SUSD1: variants seen among roughly 807,000 people sequenced by gnomAD.
SUSD1 encodes the protein sushi domain-containing protein 1.
SUSD1 carries 65 observed loss-of-function variants against 86.9 expected under a neutral mutation model. That is an observed-to-expected ratio of 0.75 (90% CI 0.61 to 0.92). The LOEUF is 0.92. SUSD1 is among the 40% of genes least tolerant of loss of function. SUSD1 has a pLI of 0.00. For synonymous variants in SUSD1, 346 were observed against 350.0 expected, an observed-to-expected ratio of 0.99 and a Z score of 0.13; for missense variants, 850 against 929.7, an observed-to-expected ratio of 0.91 and a Z score of 1.11.
chr9:112,099,888 A>ATTT (rs1830553870), intron 9 of SUSD1, among the ~76,000 whole-genome samples: 1 of 152,228 alleles, frequency 6.6e-6, no homozygotes, highest in Non-Finnish European at 1.5e-5. Context: ...AGGTCCTTAC[A>ATTT]GATAAACCAT....
At chr9:112,121,223 C>T (rs920190686) in intron 6 of SUSD1, among the ~76,000 whole-genome samples, 45 of 151,890 alleles carry the variant, frequency 3.0e-4, no homozygotes, top group African/African-American at 9.9e-4. Flanking sequence ...CCAGCTCTAC[C>T]CTTCTTTGTT....
In SUSD1 at chr9:112,041,266, G is replaced by A; in HGVS notation, c.*226C>T. 1.6e-6 allele frequency: 1 copy of A among 616,546 alleles called. No homozygotes were observed. The highest frequency in any genetic ancestry group is 1.9e-5 in the South Asian group (1 of 52,474). The allele number at this position is 616,546 out of a possible 1,614,324, so 38.2% of individuals were successfully genotyped here. ...AAGTTCATTGCACAGAACTGGTCCT[G>A]TAGCAGGGAAGACTCAGAATTCCTG... On this transcript the variant is annotated 3_prime_UTR_variant, in exon 17 of 17. Transcript: ENST00000374270.
chr9:112,148,903 C>T lies in SUSD1; in HGVS notation c.373+341G>A, dbSNP rs570595875. 2.9e-4 allele frequency among the ~76,000 whole-genome samples: 40 copies of T among 136,658 alleles called. No homozygotes were observed. In the East Asian group the frequency reaches 6.8e-3, roughly 23 times the overall value. The allele number at this position is 136,658 out of a possible 152,430, so 89.7% of individuals were successfully genotyped here. A position where few individuals can be genotyped will look rare whatever the true frequency, so the allele number is the denominator to read the frequency against. On this transcript the variant is annotated intron_variant, in intron 3 of 16. Transcript: ENST00000374270. ...CCTGGGCAACAGAGTGAGACCCCCCCCTTAAAAAAAAAAAAGTTCAAACAA... is the reference window on the plus strand; with the variant it reads ...CCTGGGCAACAGAGTGAGACCCCCCTCTTAAAAAAAAAAAAGTTCAAACAA...
chr9:112,167,720 T>C (rs1386232151), intron 1 of SUSD1, among the ~76,000 whole-genome samples: 1 of 152,196 alleles, frequency 6.6e-6, no homozygotes, highest in African/African-American at 2.4e-5. Context: ...AAACCTACTT[T>C]ATATGGTTGT....
chr9:112,132,866 G>C (rs1832089974), intron 5 of SUSD1, among the ~76,000 whole-genome samples: 1 of 152,314 alleles, frequency 6.6e-6, no homozygotes, highest in African/African-American at 2.4e-5. Flanking sequence ...TTTGACTGTT[G>C]AGGTTGGCCC....
chr9:112,170,710 T>TATATAGAGAGAGAGAG (rs758442726), intron 1 of SUSD1, among the ~76,000 whole-genome samples: 33 of 113,824 alleles, frequency 2.9e-4, no homozygotes, highest in African/African-American at 6.1e-4. Context: ...TATATATATA[T>TATATAGAGAGAGAGAG]AGAGAGAGAG....
intron 6 of SUSD1, among the ~76,000 whole-genome samples, chr9:112,114,012 A>G (rs1831209051): frequency 6.6e-6 from 1 of 152,176 alleles, no homozygotes; most frequent in Admixed American, 6.5e-5. Context: ...AATCTTATAT[A>G]CTTCTATATA....
At chr9:112,121,479 A>C (rs555847281) in intron 6 of SUSD1, among the ~76,000 whole-genome samples, 16 of 152,212 alleles carry the variant, frequency 1.1e-4, no homozygotes, top group Non-Finnish European at 1.8e-4. Context: ...TGTAAATTCC[A>C]AGAGGGTCAT....
chr9:112,108,363 C>T (rs1436378672), intron 8 of SUSD1, among the ~76,000 whole-genome samples: 2 of 152,022 alleles, frequency 1.3e-5, no homozygotes. Flanking sequence ...TGAAAATAAG[C>T]TGAATTTTGT....
chr9:112,043,967 G>GT (rs1827852959), intron 15 of SUSD1, among the ~76,000 whole-genome samples: 1 of 151,788 alleles, frequency 6.6e-6, no homozygotes, highest in Non-Finnish European at 1.5e-5. Flanking sequence ...CGCCCGGCTA[G>GT]TTTTTGTATT....
chr9:112,073,608 G>T (rs1388971581), intron 12 of SUSD1, among the ~76,000 whole-genome samples: 1 of 150,806 alleles, frequency 6.6e-6, no homozygotes, highest in Non-Finnish European at 1.5e-5. Context: ...AGCATACTCA[G>T]CTGGACAGTG....
intron 10 of SUSD1, among the ~76,000 whole-genome samples, chr9:112,095,735 A>G (rs1468857670): frequency 1.3e-5 from 2 of 152,210 alleles, no homozygotes; most frequent in East Asian, 3.8e-4. Flanking sequence ...GGTTTAGAGA[A>G]ATTCAGAGAA....
chr9:112,123,235 T>G, intron 6 of SUSD1, among the ~76,000 whole-genome samples: 1 of 152,144 alleles, frequency 6.6e-6, no homozygotes, highest in East Asian at 1.9e-4. Context: ...GTGAGGGCCC[T>G]GGGAAGTTGA....
intron 10 of SUSD1, among the ~76,000 whole-genome samples, chr9:112,084,551 C>T: frequency 6.6e-6 from 1 of 152,182 alleles, no homozygotes; most frequent in Non-Finnish European, 1.5e-5. Flanking sequence ...TTCAGTTCCA[C>T]CCGGGTCAGG....
chr9:112,144,322 T>G (rs1032263078), intron 3 of SUSD1, among the ~76,000 whole-genome samples: 1 of 152,080 alleles, frequency 6.6e-6, no homozygotes, highest in African/African-American at 2.4e-5. Flanking sequence ...CCAGTCACTA[T>G]AAATATATCC....
Position 112,124,327 on chromosome 9 carries a change from G to A in SUSD1, c.816C>T (p.Ser272=). The change falls in exon 6 of 17, where the codon AGC becomes AGT. Residue 272 remains serine (S), a synonymous_variant. Coordinates refer to ENST00000374270, the MANE Select transcript of SUSD1 (RefSeq NM_022486.5). ...AAACAGAAGTGATCTTTCCTCCAGG[G>A]CTCTCAAAGCCCTCTTGACAGACAT... The part of the protein sequence containing the change: ...ARYVCQEGFE[S]PGGKITSVCT... The A allele has an allele frequency of 6.2e-7, 1 of 1,614,056 alleles. No homozygotes were observed. The highest frequency in any genetic ancestry group is 1.3e-5 in the African/African-American group (1 of 75,022).
intron 9 of SUSD1, among the ~76,000 whole-genome samples, chr9:112,099,708 G>C (rs963434231): frequency 2.0e-5 from 3 of 152,258 alleles, no homozygotes; most frequent in Admixed American, 2.0e-4. Flanking sequence ...ACATATGCTC[G>C]GTGTTGCCAC....
rs771511698 is a variant in SUSD1, at chr9:112,062,966, C to T, written c.1821G>A (p.Arg607=). 1 of 1,613,326 alleles carries T rather than the reference C, an allele frequency of 6.2e-7. No homozygotes were observed. Among genetic ancestry groups the T allele is most frequent in the Admixed American group, 1.7e-5 (1 of 60,002 alleles). ...TTGGTCCATTTTTCTCCTTGGCTTT[C>T]CTCAGTCTGAGGCGTGGTAGAGGTC... is the stretch of plus-strand genomic sequence containing the variant. The part of the protein sequence containing the change: ...HRGPLPRLRL[R]KAKEKNGPIS... The change falls in exon 13 of 17, where the codon AGG becomes AGA. Residue 607 remains arginine, a synonymous_variant. Coordinates refer to ENST00000374270, the MANE Select transcript of SUSD1 (RefSeq NM_022486.5).
At chr9:112,173,294 G>A (rs56767392) in intron 1 of SUSD1, among the ~76,000 whole-genome samples, 2,227 of 152,182 alleles carry the variant, frequency 0.015, 55 homozygotes, top group African/African-American at 0.048. Flanking sequence ...GGGTGGGGGC[G>A]GCAGGCAGGA....
Sources: allele counts gnomAD v4.1 joint callset (sites outside exome capture counted in the v4.1 genomes callset), GRCh38; gene constraint gnomAD v4.1.1; transcripts MANE v1.5; gene names NCBI Gene and HGNC (gene_info 2026-07-23, HGNC 2026-07-21).